The following PRCC variants were observed in gnomAD, a reference collection of about 807,000 sequenced individuals.
PRCC encodes the protein proline-rich protein PRCC.
PRCC carries 10 observed loss-of-function variants against 44.0 expected under a neutral mutation model. The observed-to-expected ratio is 0.23, with a 90% CI of 0.14 to 0.39. The LOEUF (loss-of-function observed/expected upper bound fraction) is 0.39. Ranked by LOEUF, PRCC falls within the 10% of genes least tolerant of loss-of-function variation. The probability of loss-of-function intolerance (pLI) is 1.00; values close to 1 mark genes in which losing one functional copy is unlikely to be tolerated. For missense variants in PRCC, 573 were observed against 624.7 expected, an observed-to-expected ratio of 0.92 and a Z score of 0.88; for synonymous variants, 278 against 259.5, an observed-to-expected ratio of 1.07 and a Z score of -0.69.
intron 1 of PRCC, among the ~76,000 whole-genome samples, chr1:156,770,719 C>G (rs1651602826): frequency 6.6e-6 from 1 of 152,228 alleles, no homozygotes; most frequent in South Asian, 2.1e-4. Flanking sequence ...ATGTAAGCCC[C>G]TCCAGTTCTG....
intron 5 of PRCC, among the ~76,000 whole-genome samples, chr1:156,795,285 G>GTTTTT (rs35911411): frequency 0.092 from 3,324 of 36,022 alleles, 886 homozygotes; most frequent in Middle Eastern, 0.15. Flanking sequence ...ATTTTCTGGT[G>GTTTTT]TTTTTTTTTT....
At chr1:156,782,845 G>A (rs1045627099) in intron 2 of PRCC, among the ~76,000 whole-genome samples, 2 of 152,118 alleles carry the variant, frequency 1.3e-5, no homozygotes, top group African/African-American at 4.8e-5. Context: ...TGAGGAACTT[G>A]CCCAAGATCA....
chr1:156,797,488 C>CT lies in PRCC; in HGVS notation c.1389+148dup. 3 of 838,970 alleles carry CT rather than the reference C, an allele frequency of 3.6e-6. 1 individual carries two copies. The East Asian group carries it at 7.9e-5, about 22-fold the overall frequency. 52.0% of individuals were successfully genotyped at this position (838,970 alleles called of 1,614,324 possible). A position where few individuals can be genotyped will look rare whatever the true frequency, so the allele number is the denominator to read the frequency against. On this transcript the variant is annotated intron_variant, in intron 6 of 6. Transcript: ENST00000271526. ...TCCTCTCCTATTCTCAGAGCGGCCA[C>CT]TAGGAGGGGATACATCCTTCAGAAT...
chr1:156,791,092 C>T (rs559233309), intron 3 of PRCC: 203 of 1,412,750 alleles, frequency 1.4e-4, no homozygotes, highest in East Asian at 5.4e-4. Flanking sequence ...CTGGGCCACT[C>T]GCCTCTAAGG....
At position 156,767,868 on chromosome 1, in the gene PRCC, C is replaced by G. The variant is rs200228818; in HGVS notation, c.97C>G (p.Pro33Ala). The G allele has an allele frequency of 6.2e-7, 1 of 1,607,638 alleles. No homozygotes were observed. Among genetic ancestry groups the G allele is most frequent in the Non-Finnish European group, 8.5e-7 (1 of 1,177,918 alleles). Residue 33 changes from proline to alanine, a missense_variant, in exon 1 of 7, where the codon CCC becomes GCC. By Grantham distance (27) the Pro-to-Ala change is conservative. Around this residue, in one of 4 missense-constraint regions of PRCC, gnomAD observed 245 missense variants for 188.5 expected, o/e 1.30. Transcript: ENST00000271526. The stretch of plus-strand genomic sequence containing the variant: ...GGAGGCGGTGGCTCCTACATCTGGG[C>G]CCGCTTTAGGGGGCTTGTTCGCTTC... ...EEEAVAPTSGPALGGLFASLP... is the reference protein window; with the variant it reads ...EEEAVAPTSGAALGGLFASLP...
intron 1 of PRCC, among the ~76,000 whole-genome samples, chr1:156,775,023 C>T (rs944952104): frequency 7.4e-5 from 11 of 149,458 alleles, no homozygotes; most frequent in South Asian, 4.2e-4. Context: ...CTGAGGTGGG[C>T]GGATCACGAG....
chr1:156,793,350 C>T (rs1413063922), intron 4 of PRCC, among the ~76,000 whole-genome samples: 1 of 152,206 alleles, frequency 6.6e-6, no homozygotes, highest in African/African-American at 2.4e-5. Context: ...GACTGGGTCT[C>T]ACTGAAGCTT....
chr1:156,792,735 G>A (rs1652536645), intron 4 of PRCC, among the ~76,000 whole-genome samples: 1 of 152,176 alleles, frequency 6.6e-6, no homozygotes, highest in South Asian at 2.1e-4. Context: ...GATTACAGGC[G>A]TGAGCCACTG....
intron 1 of PRCC, among the ~76,000 whole-genome samples, chr1:156,780,333 A>G (rs555323546): frequency 1.2e-4 from 19 of 152,314 alleles, no homozygotes; most frequent in South Asian, 2.1e-4. Context: ...TGCTGGGATT[A>G]CAGGCGTGAG....
chr1:156,774,905 C>G (rs28834102), intron 1 of PRCC, among the ~76,000 whole-genome samples: 1 of 147,628 alleles, frequency 6.8e-6, no homozygotes, highest in African/African-American at 2.5e-5. Context: ...GAGCCAAGAT[C>G]GTGCCACTGC....
intron 4 of PRCC, among the ~76,000 whole-genome samples, chr1:156,794,030 T>G (rs898122248): frequency 1.3e-5 from 2 of 149,318 alleles, no homozygotes; most frequent in Middle Eastern, 3.5e-3. Flanking sequence ...CGATCTCGGC[T>G]CTCTGCAACC....
chr1:156,787,540 G>A (rs1442673488), intron 3 of PRCC, among the ~76,000 whole-genome samples: 1 of 145,418 alleles, frequency 6.9e-6, no homozygotes, highest in Non-Finnish European at 1.5e-5. Flanking sequence ...GGTTCAGGAG[G>A]TACATGTACA....
chr1:156,788,217 C>A (rs1571588848), intron 3 of PRCC, among the ~76,000 whole-genome samples: 1 of 152,174 alleles, frequency 6.6e-6, no homozygotes, highest in East Asian at 1.9e-4. Context: ...TCCATGTATA[C>A]TCAGTGTTTA....
Position 156,800,475 on chromosome 1 carries a change from T to C in PRCC, c.*15T>C. On this transcript the variant is annotated 3_prime_UTR_variant, in exon 7 of 7. Coordinates refer to ENST00000271526, the MANE Select transcript of PRCC (RefSeq NM_005973.5). ...ATGGATTCTAGGGCTCTGGAACTGA[T>C]TGCTCCCAGGATCTCCTGCCAGCCC... The C allele has an allele frequency of 1.2e-6, 2 of 1,613,800 alleles. No homozygotes were observed. The highest frequency in any genetic ancestry group is 2.2e-5 in the East Asian group (1 of 44,882).
intron 2 of PRCC, among the ~76,000 whole-genome samples, chr1:156,785,986 A>G (rs3765786): frequency 0.2 from 29,687 of 151,630 alleles, 3,422 homozygotes; most frequent in Non-Finnish European, 0.26. Context: ...TAATTTTTGT[A>G]TTTTTAATAG....
At chr1:156,769,667 T>A (rs2102750075) in intron 1 of PRCC, among the ~76,000 whole-genome samples, 1 of 152,300 alleles carries the variant, frequency 6.6e-6, no homozygotes, top group South Asian at 2.1e-4. Flanking sequence ...TGGCACGATC[T>A]CTGCTCACTG....
intron 1 of PRCC, among the ~76,000 whole-genome samples, chr1:156,769,344 CTTTGT>C (rs1243896599): frequency 6.6e-6 from 1 of 152,144 alleles, no homozygotes; most frequent in Non-Finnish European, 1.5e-5. Context: ...CCCCATTGCT[CTTTGT>C]TTTATTTTTC....
rs114014650 is a variant in PRCC at position 156,788,958 on chromosome 1, G to C, written c.1083+1784G>C. ...TGGGGTTACAGAGGTGAGCTACCGC[G>C]CCCTGCCTATTTTTTATTTTTTTAT... On this transcript the variant is annotated intron_variant, in intron 3 of 6. Transcript: ENST00000271526. Among the ~76,000 whole-genome samples, 189 of 149,662 alleles carry C rather than the reference G, an allele frequency of 1.3e-3. 1 individual carries two copies. The highest frequency in any genetic ancestry group is 4.5e-3 in the African/African-American group (182 of 40,570).
chr1:156,798,141 TC>T (rs1452634179), intron 6 of PRCC, among the ~76,000 whole-genome samples: 1 of 152,200 alleles, frequency 6.6e-6, no homozygotes, highest in Non-Finnish European at 1.5e-5. Context: ...GATAGGATCT[TC>T]CTGTGTAGCC....
Sources: allele counts gnomAD v4.1 joint callset (sites outside exome capture counted in the v4.1 genomes callset), GRCh38; gene constraint gnomAD v4.1.1; regional missense constraint gnomAD v4.1.1; transcripts MANE v1.5; gene names NCBI Gene and HGNC (gene_info 2026-07-23, HGNC 2026-07-21).